The following ZNF385C variants were observed in gnomAD, a reference collection of about 807,000 sequenced individuals.
ZNF385C encodes CTD-2132N18.2.
Under a neutral mutation model 35.4 loss-of-function variants are expected in ZNF385C, and 28 were observed. That is an observed-to-expected ratio of 0.79 (90% CI 0.59 to 1.08). ZNF385C has a LOEUF of 1.08. ZNF385C is among the 50% of genes least tolerant of loss of function. The pLI is 0.00. For synonymous variants in ZNF385C, 248 were observed against 248.2 expected (o/e 1.00, Z 0.01); for missense variants, 605 against 595.6 (o/e 1.02, Z -0.16).
In ZNF385C at chr17:42,026,835, C is replaced by T; in HGVS notation, c.*62G>A. The T allele has an allele frequency of 6.7e-7, 1 of 1,489,194 alleles. No individual in the cohort carries two copies. The allele number at this position is 1,489,194 out of a possible 1,614,324, so 92.2% of individuals were successfully genotyped here. A position where few individuals can be genotyped will look rare whatever the true frequency, so the allele number is the denominator to read the frequency against. On this transcript the variant is annotated 3_prime_UTR_variant, in exon 9 of 9. Transcript: ENST00000692273. ...TGTGGCATGTAGGAAACCAAGGTGT[C>T]TCAGGACAGGAGGAGACAAGGAGTG...
At chr17:42,049,496 G>A (rs1378158736) in intron 2 of ZNF385C, among the ~76,000 whole-genome samples, 1 of 152,248 alleles carries the variant, frequency 6.6e-6, no homozygotes, top group Non-Finnish European at 1.5e-5. Context: ...ATAAGAAAGA[G>A]CAGGTTCCCA....
At chr17:42,045,852 C>T (rs576517290) in intron 2 of ZNF385C, among the ~76,000 whole-genome samples, 1 of 152,312 alleles carries the variant, frequency 6.6e-6, no homozygotes, top group African/African-American at 2.4e-5. Flanking sequence ...AGTCTACACA[C>T]CTAACCACAA....
At chr17:42,036,138 G>C (rs144322919) in intron 3 of ZNF385C, among the ~76,000 whole-genome samples, 39 of 152,106 alleles carry the variant, frequency 2.6e-4, no homozygotes, top group African/African-American at 9.1e-4. Context: ...GGGACTACAG[G>C]TGCCCACTAC....
At chr17:42,040,573 GA>G in intron 2 of ZNF385C, 1 of 1,232,784 alleles carries the variant, frequency 8.1e-7, no homozygotes, top group Non-Finnish European at 1.0e-6. Context: ...CAGGGCCAGT[GA>G]CCCCGCCACA....
chr17:42,050,603 G>GTC lies in ZNF385C; in HGVS notation c.250+12202_250+12203dup, dbSNP rs1282692617. ...TTGGGCGGTGGACGCTCTGGCCGCG[G>GTC]TCTCCTTGGGCTCCACGGAGCGACA... On this transcript the variant is annotated intron_variant, in intron 2 of 8. Transcript: ENST00000692273. This position sits in a 1 kb window ranked among gnomAD's most constrained non-coding sequence, Gnocchi z 5.6. The GTC allele has an allele frequency of 1.3e-5, 2 of 152,036 alleles. No individual in the cohort carries two copies. Among genetic ancestry groups the GTC allele is most frequent in the Admixed American group, 1.3e-4 (2 of 15,276 alleles). 9.4% of individuals were successfully genotyped at this position (152,036 alleles called of 1,614,324 possible).
intron 1 of ZNF385C, among the ~76,000 whole-genome samples, chr17:42,085,334 T>C (rs1555660030): frequency 6.6e-6 from 1 of 150,890 alleles, no homozygotes; most frequent in East Asian, 1.9e-4. Flanking sequence ...GAGTGCACAA[T>C]GTCGGCTCAC....
chr17:42,086,310 T>TAG (rs1164348078), intron 1 of ZNF385C, among the ~76,000 whole-genome samples: 8 of 152,052 alleles, frequency 5.3e-5, no homozygotes, highest in African/African-American at 1.4e-4. Flanking sequence ...AAGAATCGCT[T>TAG]CAACCAGGCA....
At chr17:42,048,400 C>G (rs1475640270) in intron 2 of ZNF385C, among the ~76,000 whole-genome samples, 3 of 151,634 alleles carry the variant, frequency 2.0e-5, no homozygotes, top group Non-Finnish European at 4.4e-5. Flanking sequence ...AAAAAATTAG[C>G]CGGTCATGGT....
chr17:42,076,887 G>A (rs1306695411), intron 1 of ZNF385C, among the ~76,000 whole-genome samples: 1 of 152,178 alleles, frequency 6.6e-6, no homozygotes, highest in African/African-American at 2.4e-5. Context: ...GGGGTGTGAG[G>A]TGGTGCTAGC....
intron 5 of ZNF385C, among the ~76,000 whole-genome samples, chr17:42,030,024 TCTCAAAAAAA>T (rs2052691807): frequency 6.7e-6 from 1 of 149,540 alleles, no homozygotes; most frequent in Non-Finnish European, 1.5e-5. Flanking sequence ...CCAGACCCTG[TCTCAAAAAAA>T]AAAAGAGCTT....
Position 42,038,213 on chromosome 17 carries a change from C to G in ZNF385C, c.251-328G>C, listed in dbSNP as rs554868927. On this transcript the variant is annotated intron_variant, in intron 2 of 8. Transcript: ENST00000692273. Reference sequence around the variant, plus strand: ...GGGTCTGGGCAGGCCCTGACACACACACCACCATGGAGACTGCATGATGTG... The same window carrying G: ...GGGTCTGGGCAGGCCCTGACACACAGACCACCATGGAGACTGCATGATGTG... 1.1e-5 allele frequency: 7 copies of G among 659,154 alleles called. No individual in the cohort carries two copies. The South Asian group carries it at 1.4e-4, about 13-fold the overall frequency. The allele number at this position is 659,154 out of a possible 1,614,324, so 40.8% of individuals were successfully genotyped here. A position where few individuals can be genotyped will look rare whatever the true frequency, so the allele number is the denominator to read the frequency against.
rs1555654661 is a variant in ZNF385C, at chr17:42,028,893, G to A, written c.857C>T (p.Ala286Val). ...EAPGPEPAAA[A>V]VGSSMSGEGR... ...TTCCCCACTCATGCTGCTTCCCACGGCAGCTGCCGCTGGCTCAGGCCCCGG... is the reference window on the plus strand; with the variant it reads ...TTCCCCACTCATGCTGCTTCCCACGACAGCTGCCGCTGGCTCAGGCCCCGG... Residue 286 changes from alanine (A) to valine (V), a missense_variant, in exon 6 of 9, where the codon GCC (alanine) becomes GTC (valine). By Grantham distance (64) the Ala-to-Val change is moderately conservative. Coordinates refer to ENST00000692273, the MANE Select transcript of ZNF385C (RefSeq NM_001392013.1). 2.6e-6 allele frequency: 4 copies of A among 1,550,588 alleles called. No individual in the cohort carries two copies. In the Admixed American group the frequency reaches 7.8e-5, roughly 30 times the overall value.
In ZNF385C at chr17:42,090,651, TTGGGA is replaced by T. The variant is rs1555660460; in HGVS notation, c.-3+7754_-3+7758del. 2.0e-5 allele frequency among the ~76,000 whole-genome samples: 3 copies of T among 151,606 alleles called. No individual in the cohort carries two copies. In the East Asian group the frequency reaches 6.0e-4, roughly 30 times the overall value. Reference sequence around the variant, plus strand: ...GGCTCACGCCTGTAATCCCAGCACTTTGGGAAGCAGAGGCGGGCGGATCACGAGGT... The same window carrying T: ...GGCTCACGCCTGTAATCCCAGCACTTAGCAGAGGCGGGCGGATCACGAGGT... On this transcript the variant is annotated intron_variant, in intron 1 of 8. Coordinates refer to ENST00000692273, the MANE Select transcript of ZNF385C (RefSeq NM_001392013.1).
At chr17:42,030,474 C>T (rs1042323197) in intron 5 of ZNF385C, among the ~76,000 whole-genome samples, 3 of 151,850 alleles carry the variant, frequency 2.0e-5, no homozygotes, top group African/African-American at 7.3e-5. Context: ...GGAGACAGAG[C>T]GAGACTCTGT....
chr17:42,039,835 TC>T, intron 2 of ZNF385C: 1 of 1,224,400 alleles, frequency 8.2e-7, no homozygotes, highest in East Asian at 3.2e-5. Context: ...CCCCCGGCCT[TC>T]CCCGGCCCCA....
intron 5 of ZNF385C, among the ~76,000 whole-genome samples, chr17:42,029,762 A>G (rs2052685652): frequency 6.6e-6 from 1 of 151,692 alleles, no homozygotes; most frequent in African/African-American, 2.4e-5. Context: ...GGCCAGACGC[A>G]GTGGCTCACG....
intron 2 of ZNF385C, among the ~76,000 whole-genome samples, chr17:42,047,469 G>A (rs1351596373): frequency 6.6e-6 from 1 of 151,702 alleles, no homozygotes; most frequent in African/African-American, 2.4e-5. Flanking sequence ...GGCCCAATTA[G>A]ACGATCTGAA....
rs1008011034 is a variant in ZNF385C at position 42,095,310 on chromosome 17, C to T, written c.-3+3100G>A. ...ATTCATTCCCGCTGGGGATGACCCC[C>T]GCCGCCTGGCCAGCTGACCCCACAG... On this transcript the variant is annotated intron_variant, in intron 1 of 8. Transcript: ENST00000692273. This position sits in a 1 kb window ranked among gnomAD's most constrained non-coding sequence, Gnocchi z 4.4. 3.9e-5 allele frequency among the ~76,000 whole-genome samples: 6 copies of T among 152,166 alleles called. No individual in the cohort carries two copies. The highest frequency in any genetic ancestry group is 7.4e-5 in the Non-Finnish European group (5 of 68,020).
chr17:42,050,171 GAAC>G lies in ZNF385C; in HGVS notation c.251-12289_251-12287del, dbSNP rs5820444. ...ACCCTGACCAGCCGGATGGGAGCAG[GAAC>G]AACTTGACAAGGACCCCAAGGCATG... On this transcript the variant is annotated intron_variant, in intron 2 of 8. Coordinates refer to ENST00000692273, the MANE Select transcript of ZNF385C (RefSeq NM_001392013.1). This position sits in a 1 kb window ranked among gnomAD's most constrained non-coding sequence, Gnocchi z 5.6. Among the ~76,000 whole-genome samples the G allele has an allele frequency of 0.19, 28,930 of 152,122 alleles. 3,562 individuals carry two copies. The highest frequency in any genetic ancestry group is 0.36 in the East Asian group (1,838 of 5,152).
Sources: gnomAD v4.1 joint callset for allele counts (sites outside exome capture counted in the v4.1 genomes callset) on GRCh38, gnomAD v4.1.1 for gene constraint, Gnocchi (gnomAD v3.1) non-coding constraint, MANE v1.5 for transcripts, NCBI Gene and HGNC (gene_info 2026-07-23, HGNC 2026-07-21) for gene names.